NTRK1: variants seen among roughly 807,000 people sequenced by gnomAD.
NTRK1 encodes neurotrophic receptor tyrosine kinase 1, also known as high affinity nerve growth factor receptor.
Under a neutral mutation model 86.8 loss-of-function variants are expected in NTRK1, and 62 were observed. That is an observed-to-expected ratio of 0.71 (90% CI 0.58 to 0.88). NTRK1 has a LOEUF of 0.88. NTRK1 is among the 40% of genes least tolerant of loss of function. NTRK1 has a pLI of 0.00. For missense variants in NTRK1, 967 were observed against 1,078.4 expected (o/e 0.90, Z 1.45); for synonymous variants, 469 against 456.6 (o/e 1.03, Z -0.35).
intron 1 of NTRK1, chr1:156,816,699 G>A (rs1247768821): frequency 3.1e-6 from 5 of 1,601,022 alleles, no homozygotes; most frequent in Non-Finnish European, 4.3e-6. Flanking sequence ...TGGGCCAGGG[G>A]GAACTCCATG....
At chr1:156,829,845 G>T (rs1017563334) in intron 1 of NTRK1, among the ~76,000 whole-genome samples, 1 of 152,110 alleles carries the variant, frequency 6.6e-6, no homozygotes, top group African/African-American at 2.4e-5. Context: ...AGAGATGGGG[G>T]TTTCACCACG....
rs940559666 is a variant in NTRK1 at position 156,874,319 on chromosome 1, C to CCTCCTCCCTCTGACTGCTTTCT, written c.1178-31_1178-10dup. The CCTCCTCCCTCTGACTGCTTTCT allele has an allele frequency of 4.0e-5, 65 of 1,612,012 alleles. No individual in the cohort carries two copies. The East Asian group carries it at 5.1e-4, about 13-fold the overall frequency. On this transcript the variant is annotated intron_variant, in intron 8 of 16. Coordinates refer to ENST00000524377, the MANE Select transcript of NTRK1 (RefSeq NM_002529.4). Reference sequence around the variant, plus strand: ...GAGTAGGCAGGGGACTCACTGCTTTCCTCCTCCCTCTGACTGCTTTCTCTC... The same window carrying CCTCCTCCCTCTGACTGCTTTCT: ...GAGTAGGCAGGGGACTCACTGCTTTCCTCCTCCCTCTGACTGCTTTCTCTCCTCCCTCTGACTGCTTTCTCTC...
At chr1:156,858,742 C>G, upstream of NTRK1, 2 of 784,554 alleles carry the variant, frequency 2.5e-6, no homozygotes. Context: ...AGGGCAGGGG[C>G]AGAGAGACAA....
Position 156,871,633 on chromosome 1 carries a change from G to C in NTRK1, c.728G>C (p.Gly243Ala). ...EQSATVMKSGGLPSLGLTLAN... is the reference protein window; with the variant it reads ...EQSATVMKSGALPSLGLTLAN... ...TCTTTCCTGATCTAGAAATCTGGGG[G>C]TCTGCCATCCCTGGGGCTGACCCTG... The change falls in exon 7 of 17, where the codon GGT becomes GCT. Residue 243 changes from glycine to alanine, a missense_variant. Gly to Ala is a moderately conservative substitution (Grantham distance 60). This residue lies in a region of NTRK1 where 637 missense variants were observed against 776.5 expected (regional missense o/e 0.82). Transcript: ENST00000524377. 6.2e-7 allele frequency: 1 copy of C among 1,614,082 alleles called. No individual in the cohort carries two copies. The highest frequency in any genetic ancestry group is 2.2e-5 in the East Asian group (1 of 44,874).
intron 2 of NTRK1, chr1:156,849,489 C>T (rs778415385): frequency 1.9e-5 from 5 of 261,788 alleles, no homozygotes; most frequent in South Asian, 2.8e-5. Context: ...CCTTGCTCTG[C>T]GGGGAGGTGG....
intron 2 of NTRK1, chr1:156,844,483 C>G (rs201243410): frequency 5.6e-6 from 9 of 1,613,980 alleles, no homozygotes; most frequent in Non-Finnish European, 6.8e-6. Flanking sequence ...ATGTAGAAGG[C>G]AACACTGTCT....
At chr1:156,875,389 G>C (rs182274397) in intron 11 of NTRK1, 131 bp from the exon 12 acceptor site, 18 of 1,264,156 alleles carry the variant, frequency 1.4e-5, no homozygotes, top group African/African-American at 7.3e-5. Context: ...CCTGCCTGCT[G>C]TCTCGCTCCC....
intron 2 of NTRK1, 103 bp from the exon 3 acceptor site, chr1:156,864,625 T>C (rs1236229830): frequency 1.5e-6 from 2 of 1,293,258 alleles, no homozygotes; most frequent in African/African-American, 2.9e-5. Context: ...TGAGGAGGGG[T>C]AGGGGTTCAG....
chr1:156,880,414 G>C, intron 16 of NTRK1: 1 of 561,124 alleles, frequency 1.8e-6, no homozygotes, highest in Non-Finnish European at 3.2e-6. Flanking sequence ...TTTGTACAAG[G>C]AGCCCAGACC....
At chr1:156,851,460 G>T in intron 2 of NTRK1, 1 of 1,613,986 alleles carries the variant, frequency 6.2e-7, no homozygotes, top group Non-Finnish European at 8.5e-7. Flanking sequence ...CAGGGCTGGA[G>T]TAGGAGCAAG....
intron 6 of NTRK1, among the ~76,000 whole-genome samples, chr1:156,870,845 T>C (rs1647507403): frequency 6.6e-6 from 1 of 152,240 alleles, no homozygotes; most frequent in African/African-American, 2.4e-5. Context: ...CGTAAGATCA[T>C]GTAACTTACA....
chr1:156,828,927 A>G (rs1311748871), intron 1 of NTRK1, among the ~76,000 whole-genome samples: 1 of 152,154 alleles, frequency 6.6e-6, no homozygotes, highest in Admixed American at 6.5e-5. Flanking sequence ...TGTTCTATTT[A>G]TTATACCCTT....
rs368671371 is a variant in NTRK1 at position 156,864,422 on chromosome 1, G to A, written c.281G>A (p.Arg94Lys). ...LRDLRGLGEL[R>K]NLTIVKSGLR... ...GATCTGAGGGGCCTGGGGGAGCTGA[G>A]AAACCTGTGAGGGAAACGGGGACTG... is the stretch of plus-strand genomic sequence containing the variant. The change falls in exon 2 of 17, where the codon AGA (arginine) becomes AAA (lysine). Residue 94 changes from arginine (R) to lysine (K), a missense_variant. Around this residue, in one of 2 missense-constraint regions of NTRK1, gnomAD observed 330 missense variants for 302.0 expected, o/e 1.09. Transcript: ENST00000524377. 1 of 1,613,930 alleles carries A rather than the reference G, an allele frequency of 6.2e-7. No homozygotes were observed. The highest frequency in any genetic ancestry group is 1.3e-5 in the African/African-American group (1 of 74,908).
chr1:156,860,648 G>T (rs531696742), upstream of NTRK1, among the ~76,000 whole-genome samples: 1 of 152,202 alleles, frequency 6.6e-6, no homozygotes, highest in African/African-American at 2.4e-5. Flanking sequence ...CCTCCGAGGC[G>T]TTCTGCTGCG....
intron 2 of NTRK1, chr1:156,853,726 C>A: frequency 1.0e-5 from 16 of 1,573,280 alleles, no homozygotes; most frequent in Non-Finnish European, 1.3e-5. Flanking sequence ...CCCTTCCCTA[C>A]ATTCATGTTC....
chr1:156,816,991 A>G (rs16837691), intron 1 of NTRK1: 3,556 of 320,240 alleles, frequency 0.011, 133 homozygotes, highest in African/African-American at 0.073. Flanking sequence ...CTGCTGCCTG[A>G]CCTTCATCCC....
chr1:156,865,348 C>T (rs11264576), intron 3 of NTRK1, among the ~76,000 whole-genome samples: 17,972 of 152,126 alleles, frequency 0.12, 2,535 homozygotes, highest in African/African-American at 0.34. Context: ...GATTTCAGGA[C>T]GAAACTGTTC....
At chr1:156,872,007 G>A (rs1204429927) in intron 7 of NTRK1, among the ~76,000 whole-genome samples, 2 of 152,094 alleles carry the variant, frequency 1.3e-5, no homozygotes, top group African/African-American at 2.4e-5. Flanking sequence ...GGCCCTCAAC[G>A]CCAGATGCCC....
intron 1 of NTRK1, chr1:156,840,683 G>A (rs1654740231): frequency 1.6e-6 from 1 of 610,162 alleles, no homozygotes; most frequent in African/African-American, 1.9e-5. Context: ...GGGACTCAGA[G>A]TCTGAGAAAC....
Sources: gnomAD v4.1 joint callset for allele counts (sites outside exome capture counted in the v4.1 genomes callset) on GRCh38, gnomAD v4.1.1 for gene constraint, gnomAD v4.1.1 regional missense constraint, MANE v1.5 for transcripts, NCBI Gene and HGNC (gene_info 2026-07-23, HGNC 2026-07-21) for gene names.